Variants in MYCBP2 observed in about 807,000 individuals in gnomAD.
MYCBP2 encodes the protein E3 ubiquitin-protein ligase MYCBP2.
Under a neutral mutation model 525.3 loss-of-function variants are expected in MYCBP2, and 120 were observed. The observed-to-expected ratio is 0.23, with a 90% confidence interval of 0.20 to 0.27. MYCBP2 has a LOEUF of 0.27. MYCBP2 is among the 10% of genes least tolerant of loss of function. MYCBP2 has a pLI of 1.00. For synonymous variants in MYCBP2, 1,894 were observed against 1,955.8 expected, an observed-to-expected ratio of 0.97 and a Z score of 0.83; for missense variants, 4,149 against 5,657.1, an observed-to-expected ratio of 0.73 and a Z score of 8.55.
chr13:77,097,029 G>C (rs568424805), intron 56 of MYCBP2, among the ~76,000 whole-genome samples: 7 of 152,154 alleles, frequency 4.6e-5, no homozygotes, highest in African/African-American at 1.7e-4. Context: ...ATTCTGAACA[G>C]GAAAATAGTA....
chr13:77,089,064 T>G, intron 60 of MYCBP2, 33 bp from the exon 61 acceptor site: 1 of 1,488,160 alleles, frequency 6.7e-7, no homozygotes, highest in African/African-American at 1.4e-5. Flanking sequence ...TTAATTTTCA[T>G]AGGCAGTGCA....
At chr13:77,096,243 T>G in intron 57 of MYCBP2, 69 bp downstream of exon 57, 1 of 1,434,900 alleles carries the variant, frequency 7.0e-7, no homozygotes, top group Non-Finnish European at 9.5e-7. Flanking sequence ...TGTAGTAAGA[T>G]TATAACAAGG....
chr13:77,083,099 G>A lies in MYCBP2; in HGVS notation c.10969C>T (p.Leu3657=). 1 of 1,613,638 alleles carries A rather than the reference G, an allele frequency of 6.2e-7. No individual in the cohort carries two copies. Among genetic ancestry groups the A allele is most frequent in the Non-Finnish European group, 8.5e-7 (1 of 1,179,688 alleles). ...HPLPHTFHRL[L]QTISDLMMSL... ...ATCATAAGGTCTGAGATGGTCTGCA[G>A]CAAGCGGTGAAAGGTGTGTGGTAAA... Residue 3657 remains leucine, a synonymous_variant, in exon 63 of 83, where the codon CTG becomes TTG. Transcript: ENST00000544440.
chr13:77,061,163 T>G lies in MYCBP2; in HGVS notation c.13036+6A>C, dbSNP rs781722637. On this transcript the variant is annotated splice_donor_region_variant and intron_variant, in intron 76 of 82. Coordinates refer to ENST00000544440, the MANE Select transcript of MYCBP2 (RefSeq NM_015057.5). ...AAAGGCATGGCTCAATCTTTAAACC[T>G]TTTACCTGTGTGTTCTCGGAATTCC... 8.7e-6 allele frequency: 14 copies of G among 1,604,606 alleles called. No individual in the cohort carries two copies. Among genetic ancestry groups the G allele is most frequent in the Non-Finnish European group, 1.1e-5 (13 of 1,176,382 alleles).
intron 18 of MYCBP2, among the ~76,000 whole-genome samples, chr13:77,231,172 C>A (rs2067083342): frequency 6.6e-6 from 1 of 152,130 alleles, no homozygotes; most frequent in African/African-American, 2.4e-5. Flanking sequence ...TAAAACTGGT[C>A]CTACACTGTG....
At chr13:77,218,101 A>G in intron 20 of MYCBP2, 144 bp from the exon 21 acceptor site, 1 of 500,236 alleles carries the variant, frequency 2.0e-6, no homozygotes, top group Non-Finnish European at 3.5e-6. Context: ...CTAAACGCCT[A>G]TCTCCATTCC....
At chr13:77,202,614 TC>T (rs1372757793) in intron 26 of MYCBP2, among the ~76,000 whole-genome samples, 10 of 151,662 alleles carry the variant, frequency 6.6e-5, no homozygotes, top group African/African-American at 2.4e-4. Context: ...TAGACCAATA[TC>T]CTTGATGAAC....
At position 77,212,003 on chromosome 13, in the gene MYCBP2, G is replaced by C. The variant is rs957002915; in HGVS notation, c.3215C>G (p.Ser1072Cys). Residue 1072 changes from serine to cysteine, a missense_variant, in exon 22 of 83, where the codon TCT becomes TGT. By Grantham distance (112) the Ser-to-Cys change is moderately radical. Transcript: ENST00000544440. ...FLRIDEALINSHVLATSEIFA... is the reference protein window; with the variant it reads ...FLRIDEALINCHVLATSEIFA... Reference sequence around the variant, plus strand: ...AATTTCTGATGTAGCAAGTACATGAGAATTAATAAGTGCTTCATCAATTCG... The same window carrying C: ...AATTTCTGATGTAGCAAGTACATGACAATTAATAAGTGCTTCATCAATTCG... 2.5e-6 allele frequency: 4 copies of C among 1,613,938 alleles called. No homozygotes were observed. The African/African-American group carries it at 5.3e-5, about 22-fold the overall frequency.
At chr13:77,126,952 CTAAA>C (rs1028421954) in intron 52 of MYCBP2, among the ~76,000 whole-genome samples, 14 of 151,928 alleles carry the variant, frequency 9.2e-5, no homozygotes, top group African/African-American at 3.4e-4. Flanking sequence ...AAAAAAAAGT[CTAAA>C]TATTCATTTC....
chr13:77,267,868 C>T lies in MYCBP2; in HGVS notation c.1330G>A (p.Glu444Lys), dbSNP rs778421685. ...GGTAACATCACAGTACCATCTTGCT[C>T]CAGTGTTTCAGGGCTTATCCTTATG... is the stretch of plus-strand genomic sequence containing the variant. ...TAIRISPETLEQDGTVMLPDC... is the reference protein window; with the variant it reads ...TAIRISPETLKQDGTVMLPDC... Residue 444 changes from glutamate to lysine, a missense_variant, in exon 8 of 83, where the codon GAG (glutamate) becomes AAG (lysine). This residue lies in a region of MYCBP2 where 262 missense variants were observed against 419.3 expected (regional missense o/e 0.62). Transcript: ENST00000544440. 2 of 1,613,640 alleles carry T rather than the reference C, an allele frequency of 1.2e-6. No individual in the cohort carries two copies. Among genetic ancestry groups the T allele is most frequent in the Admixed American group, 3.3e-5 (2 of 59,980 alleles).
intron 26 of MYCBP2, among the ~76,000 whole-genome samples, chr13:77,198,253 T>C (rs1156709654): frequency 6.6e-6 from 1 of 152,228 alleles, no homozygotes; most frequent in South Asian, 2.1e-4. Flanking sequence ...CTATACTCCA[T>C]ATAACTATAG....
At chr13:77,079,852 T>C (rs1054112485) in intron 65 of MYCBP2, among the ~76,000 whole-genome samples, 2 of 152,202 alleles carry the variant, frequency 1.3e-5, no homozygotes, top group African/African-American at 4.8e-5. Context: ...TTTTCAGATT[T>C]GGAATGCTCA....
At position 77,185,385 on chromosome 13, in the gene MYCBP2, G is replaced by A; in HGVS notation, c.4445-8C>T. ...CAACTGCTTTTCCTGTAGCTTTGAG[G>A]GGGAAAAAGCAGATTGGTAATTAAG... On this transcript the variant is annotated splice_region_variant and splice_polypyrimidine_tract_variant and intron_variant, in intron 31 of 82. Coordinates refer to ENST00000544440, the MANE Select transcript of MYCBP2 (RefSeq NM_015057.5). 6.2e-7 allele frequency: 1 copy of A among 1,604,678 alleles called. No homozygotes were observed. Among genetic ancestry groups the A allele is most frequent in the Non-Finnish European group, 8.5e-7 (1 of 1,174,680 alleles).
chr13:77,064,548 T>C lies in MYCBP2; in HGVS notation c.12672+67A>G, dbSNP rs1042089091. 57 of 1,473,634 alleles carry C rather than the reference T, an allele frequency of 3.9e-5. No individual in the cohort carries two copies. In the African/African-American group the frequency reaches 7.3e-4, roughly 19 times the overall value. 91.3% of individuals were successfully genotyped at this position (1,473,634 alleles called of 1,614,324 possible). ...AGTGATTAAAATTTGTTTAAATCTA[T>C]TACTAAAAAAGAACACGCAATGATA... On this transcript the variant is annotated intron_variant, in intron 73 of 82. Coordinates refer to ENST00000544440, the MANE Select transcript of MYCBP2 (RefSeq NM_015057.5).
At chr13:77,079,131 T>C (rs1393885827) in intron 65 of MYCBP2, among the ~76,000 whole-genome samples, 1 of 152,132 alleles carries the variant, frequency 6.6e-6, no homozygotes, top group African/African-American at 2.4e-5. Flanking sequence ...CAGCTTGACA[T>C]TCCCTCTCCT....
At chr13:77,183,201 C>T (rs1003139225) in intron 32 of MYCBP2, among the ~76,000 whole-genome samples, 2 of 151,760 alleles carry the variant, frequency 1.3e-5, no homozygotes, top group East Asian at 1.9e-4. Flanking sequence ...GTAATTTTTC[C>T]TTGTAGTATC....
At chr13:77,159,163 T>G (rs935541468) in intron 44 of MYCBP2, among the ~76,000 whole-genome samples, 1 of 152,218 alleles carries the variant, frequency 6.6e-6, no homozygotes, top group Non-Finnish European at 1.5e-5. Flanking sequence ...TTGGACAAAT[T>G]ATTTGCTGTG....
intron 20 of MYCBP2, among the ~76,000 whole-genome samples, chr13:77,222,703 T>G (rs1161452469): frequency 6.6e-6 from 1 of 150,774 alleles, no homozygotes; most frequent in African/African-American, 2.4e-5. Flanking sequence ...AGAATCCACA[T>G]ATGATATTTT....
At chr13:77,294,107 T>TATATATATATATATATATATATAC (rs999801411) in intron 2 of MYCBP2, among the ~76,000 whole-genome samples, 8 of 43,892 alleles carry the variant, frequency 1.8e-4, no homozygotes, top group Admixed American at 3.8e-4. Flanking sequence ...ATAATGGCTA[T>TATATATATATATATATATATATAC]ATATATATAT....
Sources: allele counts gnomAD v4.1 joint callset (sites outside exome capture counted in the v4.1 genomes callset), GRCh38; gene constraint gnomAD v4.1.1; regional missense constraint gnomAD v4.1.1; transcripts MANE v1.5; gene names NCBI Gene and HGNC (gene_info 2026-07-23, HGNC 2026-07-21).